IRF2: variants seen among roughly 807,000 people sequenced by gnomAD.
The protein encoded by IRF2 is interferon regulatory factor 2.
IRF2 carries 15 observed loss-of-function variants against 40.6 expected under a neutral mutation model. The observed-to-expected ratio is 0.37, with a 90% CI of 0.25 to 0.57. IRF2 has a LOEUF of 0.57. Among genes scored for constraint, IRF2 ranks in the 20% least tolerant of loss-of-function variants. IRF2 has a pLI of 0.77. For synonymous variants in IRF2, 151 were observed against 165.5 expected (o/e 0.91, Z 0.67); for missense variants, 317 against 455.7 (o/e 0.70, Z 2.77).
intron 7 of IRF2, among the ~76,000 whole-genome samples, chr4:184,396,384 C>T (rs1736457214): frequency 6.6e-6 from 1 of 151,904 alleles, no homozygotes; most frequent in Admixed American, 6.6e-5. Context: ...CTCCCTCAGA[C>T]ACGCTGCTCT....
At chr4:184,432,061 C>T (rs1188982919) in intron 1 of IRF2, 1 of 152,160 alleles carries the variant, frequency 6.6e-6, no homozygotes, top group Non-Finnish European at 1.5e-5. Context: ...TTGAAAAAGT[C>T]AATTGTCAGG....
At chr4:184,403,742 A>G (rs938348923) in intron 6 of IRF2, among the ~76,000 whole-genome samples, 1 of 152,372 alleles carries the variant, frequency 6.6e-6, no homozygotes, top group Middle Eastern at 3.4e-3. Context: ...CTCTCAGGAT[A>G]AAAACTTTTG....
intron 6 of IRF2, among the ~76,000 whole-genome samples, chr4:184,406,384 C>T (rs995409787): frequency 6.6e-6 from 1 of 152,038 alleles, no homozygotes; most frequent in Non-Finnish European, 1.5e-5. Flanking sequence ...CACCTGCCAC[C>T]ACGCCCAGCT....
chr4:184,444,058 T>G (rs1561117389), intron 1 of IRF2, among the ~76,000 whole-genome samples: 1 of 152,178 alleles, frequency 6.6e-6, no homozygotes, highest in East Asian at 1.9e-4. Flanking sequence ...GACAGCCACA[T>G]GACTCCAGGA....
intron 1 of IRF2, among the ~76,000 whole-genome samples, chr4:184,434,326 C>T (rs1737999547): frequency 6.6e-6 from 1 of 152,212 alleles, no homozygotes; most frequent in South Asian, 2.1e-4. Context: ...TCCCGGCCCA[C>T]ACTTTGATCA....
chr4:184,414,714 C>T (rs1296013430), intron 5 of IRF2, among the ~76,000 whole-genome samples: 1 of 152,220 alleles, frequency 6.6e-6, no homozygotes, highest in African/African-American at 2.4e-5. Context: ...GGACATATAG[C>T]ATGGAGATAA....
intron 1 of IRF2, among the ~76,000 whole-genome samples, chr4:184,452,290 A>G (rs958836512): frequency 6.6e-6 from 1 of 152,208 alleles, no homozygotes; most frequent in Non-Finnish European, 1.5e-5. Flanking sequence ...ACCGCTGCAC[A>G]AAGAATGCGA....
chr4:184,420,004 A>G (rs1180364396), intron 2 of IRF2, among the ~76,000 whole-genome samples: 1 of 152,144 alleles, frequency 6.6e-6, no homozygotes, highest in Non-Finnish European at 1.5e-5. Flanking sequence ...AGTAGCTAGG[A>G]TTACTGGCAT....
At chr4:184,432,280 G>A (rs1232571772) in intron 1 of IRF2, among the ~76,000 whole-genome samples, 1 of 152,220 alleles carries the variant, frequency 6.6e-6, no homozygotes, top group African/African-American at 2.4e-5. Flanking sequence ...TCTGATGCAC[G>A]TGTTCCCAGC....
intron 1 of IRF2, among the ~76,000 whole-genome samples, chr4:184,442,313 C>T (rs1324766604): frequency 2.0e-5 from 3 of 152,230 alleles, no homozygotes; most frequent in Admixed American, 2.0e-4. Flanking sequence ...CTCTCCACCC[C>T]TTCACCTCCA....
chr4:184,408,064 A>G lies in IRF2; in HGVS notation c.529+94T>C, dbSNP rs559139136. ...TGAGATGATTCCAAGACCTCCTCCCACTGACTATGTTATTTGAAGTTCTCT... is the reference window on the plus strand; with the variant it reads ...TGAGATGATTCCAAGACCTCCTCCCGCTGACTATGTTATTTGAAGTTCTCT... On this transcript the variant is annotated intron_variant, in intron 6 of 8. Transcript: ENST00000393593. This position sits in a 1 kb window ranked among gnomAD's most constrained non-coding sequence, Gnocchi z 4.9. 2.2e-5 allele frequency: 16 copies of G among 718,100 alleles called. No homozygotes were observed. Among genetic ancestry groups the G allele is most frequent in the Non-Finnish European group, 3.7e-5 (15 of 403,618 alleles). 44.5% of individuals were successfully genotyped at this position (718,100 alleles called of 1,614,324 possible). A position where few individuals can be genotyped will look rare whatever the true frequency, so the allele number is the denominator to read the frequency against.
intron 1 of IRF2, among the ~76,000 whole-genome samples, chr4:184,457,780 G>T (rs1738997205): frequency 6.6e-6 from 1 of 151,970 alleles, no homozygotes; most frequent in Non-Finnish European, 1.5e-5. Context: ...ACGCCCTGCT[G>T]CTAACAGTCA....
intron 7 of IRF2, 47 bp from the exon 8 acceptor site, chr4:184,390,796 G>A: frequency 6.2e-7 from 1 of 1,601,110 alleles, no homozygotes. Context: ...TGTCCCTCAA[G>A]CTGTCCCCAG....
chr4:184,428,052 A>G (rs775476582), intron 2 of IRF2, among the ~76,000 whole-genome samples: 2 of 152,216 alleles, frequency 1.3e-5, no homozygotes, highest in Admixed American at 1.3e-4. Context: ...TTTTGCCGAC[A>G]TTATCTCTTT....
rs189645786 is a variant in IRF2 at position 184,464,550 on chromosome 4, T to C, written c.-7+9829A>G. On this transcript the variant is annotated intron_variant, in intron 1 of 8. Coordinates refer to ENST00000393593, the MANE Select transcript of IRF2 (RefSeq NM_002199.4). ...ACTCTCACTTCCCCTACAAACATTT[T>C]ATACTTCACTTACCATGAGAATTAG... is the stretch of plus-strand genomic sequence containing the variant. Among the ~76,000 whole-genome samples the C allele has an allele frequency of 9.6e-4, 146 of 152,340 alleles. 1 individual carries two copies. In the South Asian group the frequency reaches 0.021, roughly 22 times the overall value.
At chr4:184,397,389 G>C (rs748285709) in intron 7 of IRF2, among the ~76,000 whole-genome samples, 6 of 152,126 alleles carry the variant, frequency 3.9e-5, no homozygotes, top group Non-Finnish European at 7.4e-5. Context: ...TTTCAGTTTC[G>C]CAAGATGAAA....
At chr4:184,394,645 A>AT (rs1736380914) in intron 7 of IRF2, among the ~76,000 whole-genome samples, 1 of 151,774 alleles carries the variant, frequency 6.6e-6, no homozygotes, top group Non-Finnish European at 1.5e-5. Context: ...CCACTCTCTC[A>AT]TTATAGCCAG....
rs565277631 is a variant in IRF2, at chr4:184,413,348, T to A, written c.411+4819A>T. Among the ~76,000 whole-genome samples, 4 of 152,214 alleles carry A rather than the reference T, an allele frequency of 2.6e-5. No individual in the cohort carries two copies. Among genetic ancestry groups the A allele is most frequent in the Non-Finnish European group, 4.4e-5 (3 of 68,034 alleles). Reference sequence around the variant, plus strand: ...GGAGCTCCCGTTCTGAGCTACCACATGGGAAGGGAGGATCCCGGGCAGGCA... The same window carrying A: ...GGAGCTCCCGTTCTGAGCTACCACAAGGGAAGGGAGGATCCCGGGCAGGCA... On this transcript the variant is annotated intron_variant, in intron 5 of 8. Coordinates refer to ENST00000393593, the MANE Select transcript of IRF2 (RefSeq NM_002199.4). This position sits in a 1 kb window ranked among gnomAD's most constrained non-coding sequence, Gnocchi z 4.2.
chr4:184,446,193 A>G (rs2149911073), intron 1 of IRF2, among the ~76,000 whole-genome samples: 2 of 152,312 alleles, frequency 1.3e-5, no homozygotes, highest in Middle Eastern at 6.8e-3. Context: ...CAAAACTGTG[A>G]GGGAATAAAT....
Sources: allele counts gnomAD v4.1 joint callset (sites outside exome capture counted in the v4.1 genomes callset), GRCh38; gene constraint gnomAD v4.1.1; non-coding constraint Gnocchi (gnomAD v3.1); transcripts MANE v1.5; gene names NCBI Gene and HGNC (gene_info 2026-07-23, HGNC 2026-07-21).